The following UGT1A1 variants were observed in gnomAD, a reference collection of about 807,000 sequenced individuals.
UGT1A1 encodes UDP glucuronosyltransferase family 1 member A1, also known as UDP-glucuronosyltransferase 1A1.
UGT1A1 carries 33 observed loss-of-function variants against 40.6 expected under a neutral mutation model. The ratio of observed to expected loss-of-function variants is 0.81; its 90% CI spans 0.62 to 1.09. The LOEUF is 1.09. Among genes scored for constraint, UGT1A1 ranks in the 50% least tolerant of loss-of-function variants. The pLI is 0.00. For synonymous variants in UGT1A1, 249 were observed against 265.0 expected (o/e 0.94, Z 0.59); for missense variants, 694 against 671.2 (o/e 1.03, Z -0.38).
intron 4 of UGT1A1, chr2:233,770,023 G>A (rs1575848651): frequency 6.2e-6 from 1 of 160,986 alleles, no homozygotes; most frequent in Non-Finnish European, 1.4e-5. Flanking sequence ...TTCTTTCCCT[G>A]CACTGTTGAA....
intron 1 of UGT1A1, among the ~76,000 whole-genome samples, chr2:233,762,296 G>A (rs1425632739): frequency 6.6e-6 from 1 of 152,206 alleles, no homozygotes; most frequent in Non-Finnish European, 1.5e-5. Context: ...GGTGCCAACC[G>A]AGGTCTAGTT....
intron 4 of UGT1A1, 106 bp from the exon 5 acceptor site, chr2:233,772,156 C>G: frequency 6.4e-7 from 1 of 1,560,932 alleles, no homozygotes; most frequent in Non-Finnish European, 8.7e-7. Context: ...GTTTCCTTTC[C>G]CAAGTTTGGA....
In UGT1A1 at chr2:233,769,571, G is replaced by A. The variant is rs1223462167; in HGVS notation, c.1304+1132G>A. On this transcript the variant is annotated intron_variant, in intron 4 of 4. Coordinates refer to ENST00000305208, the MANE Select transcript of UGT1A1 (RefSeq NM_000463.3). This position sits in a 1 kb window ranked among gnomAD's most constrained non-coding sequence, Gnocchi z 4.4. ...AGGAAGACAGATGTGAAGAGCTGGAGCATGTTCAGATGAGAGGAGACGGAA... is the reference window on the plus strand; with the variant it reads ...AGGAAGACAGATGTGAAGAGCTGGAACATGTTCAGATGAGAGGAGACGGAA... 1 of 1,612,768 alleles carries A rather than the reference G, an allele frequency of 6.2e-7. No homozygotes were observed. The highest frequency in any genetic ancestry group is 1.3e-5 in the African/African-American group (1 of 74,922).
chr2:233,768,235 G>T lies in UGT1A1; in HGVS notation c.1100G>T (p.Arg367Leu), dbSNP rs374047963. 32 of 1,614,018 alleles carry T rather than the reference G, an allele frequency of 2.0e-5. No homozygotes were observed. Among genetic ancestry groups the T allele is most frequent in the African/African-American group, 1.3e-5 (1 of 74,898 alleles). Residue 367 changes from arginine (R) to leucine (L), a missense_variant, in exon 4 of 5, where the codon CGT becomes CTT. Physicochemically the swap from Arg to Leu is moderately radical, Grantham distance 102. Transcript: ENST00000305208. ...QNDLLGHPMT[R>L]AFITHAGSHG... is the part of the protein sequence containing the mutation. ...TGCATCTCAGGTCACCCGATGACCC[G>T]TGCCTTTATCACCCATGCTGGTTCC...
At chr2:233,765,957 T>C (rs1248795427) in intron 1 of UGT1A1, among the ~76,000 whole-genome samples, 3 of 151,920 alleles carry the variant, frequency 2.0e-5, no homozygotes, top group Non-Finnish European at 2.9e-5. Flanking sequence ...TCACCGGCAG[T>C]GTCTAGAGGT....
At chr2:233,761,212 G>T in intron 1 of UGT1A1, 61 bp downstream of exon 1, 1 of 1,613,674 alleles carries the variant, frequency 6.2e-7, no homozygotes, top group Non-Finnish European at 8.5e-7. Flanking sequence ...ACTTTGGATC[G>T]ATTAACTAGC....
Position 233,769,524 on chromosome 2 carries a change from C to T in UGT1A1, c.1304+1085C>T. On this transcript the variant is annotated intron_variant, in intron 4 of 4. Coordinates refer to ENST00000305208, the MANE Select transcript of UGT1A1 (RefSeq NM_000463.3). The surrounding 1 kb of genome is among the most constrained non-coding windows in gnomAD (Gnocchi z 4.4). ...CCATTGCTTTCTCCCATGGTTACCT[C>T]CTTTAGAAAGAAGCAGCAGTCAGGA... 1 of 1,612,860 alleles carries T rather than the reference C, an allele frequency of 6.2e-7. No homozygotes were observed.
chr2:233,770,117 C>T (rs1700019979), intron 4 of UGT1A1: 1 of 152,326 alleles, frequency 6.6e-6, no homozygotes, highest in Non-Finnish European at 1.5e-5. Context: ...CTAAGAACAA[C>T]TTGGTGAAAG....
chr2:233,770,092 A>G (rs969996398), intron 4 of UGT1A1: 1 of 152,744 alleles, frequency 6.5e-6, no homozygotes, highest in Non-Finnish European at 1.5e-5. Flanking sequence ...AGTGGTATAG[A>G]TAACTACTTG....
chr2:233,763,751 G>A (rs758447394), intron 1 of UGT1A1, among the ~76,000 whole-genome samples: 3 of 152,212 alleles, frequency 2.0e-5, no homozygotes, highest in Non-Finnish European at 4.4e-5. Flanking sequence ...TCTTTGGTGT[G>A]TCTGAAGGAA....
intron 1 of UGT1A1, among the ~76,000 whole-genome samples, chr2:233,764,973 G>C (rs553153469): frequency 6.6e-6 from 1 of 152,178 alleles, no homozygotes; most frequent in African/African-American, 2.4e-5. Context: ...GGAGAAGGAT[G>C]GTCAGTGTCT....
intron 2 of UGT1A1, 25 bp from the exon 3 acceptor site, chr2:233,767,822 ACG>A (rs756893991): frequency 6.2e-7 from 1 of 1,614,064 alleles, no homozygotes. Flanking sequence ...TTCTTTCTTT[ACG>A]TTCTGCTCTT....
At chr2:233,762,750 TA>T (rs777496065) in intron 1 of UGT1A1, among the ~76,000 whole-genome samples, 22 of 152,278 alleles carry the variant, frequency 1.4e-4, no homozygotes, top group East Asian at 1.9e-4. Flanking sequence ...GTGAATGTGT[TA>T]TTTTTTTGCA....
At chr2:233,767,761 G>A in intron 2 of UGT1A1, 88 bp from the exon 3 acceptor site, 6 of 1,606,158 alleles carry the variant, frequency 3.7e-6, no homozygotes, top group Non-Finnish European at 5.1e-6. Context: ...TCCTTCAGAG[G>A]ACCCCTGTTT....
intron 1 of UGT1A1, among the ~76,000 whole-genome samples, chr2:233,763,573 C>T (rs1559410117): frequency 1.3e-5 from 2 of 152,188 alleles, no homozygotes; most frequent in African/African-American, 4.8e-5. Flanking sequence ...TTCTTATTTT[C>T]TCTTTCTTCC....
At chr2:233,765,294 GAC>G (rs1698796099) in intron 1 of UGT1A1, among the ~76,000 whole-genome samples, 1 of 152,132 alleles carries the variant, frequency 6.6e-6, no homozygotes, top group Non-Finnish European at 1.5e-5. Flanking sequence ...CTACTATAAA[GAC>G]ACATGCACAT....
In UGT1A1 at chr2:233,769,368, G is replaced by T. The variant is rs1276563226; in HGVS notation, c.1304+929G>T. ...TGGGAAGAAGTGGTGGCCAGTGGTA[G>T]ATTTCATCCGACAATAGATACTGTG... On this transcript the variant is annotated intron_variant, in intron 4 of 4. Coordinates refer to ENST00000305208, the MANE Select transcript of UGT1A1 (RefSeq NM_000463.3). This position sits in a 1 kb window ranked among gnomAD's most constrained non-coding sequence, Gnocchi z 4.4. Among the ~76,000 whole-genome samples the T allele has an allele frequency of 6.6e-6, 1 of 152,222 alleles. No homozygotes were observed. The highest frequency in any genetic ancestry group is 1.5e-5 in the Non-Finnish European group (1 of 68,036).
Position 233,768,222 on chromosome 2 carries a change from C to G in UGT1A1, c.1087C>G (p.His363Asp). 1 of 1,614,186 alleles carries G rather than the reference C, an allele frequency of 6.2e-7. No homozygotes were observed. Among genetic ancestry groups the G allele is most frequent in the Non-Finnish European group, 8.5e-7 (1 of 1,180,046 alleles). The change falls in exon 4 of 5, where the codon CAC becomes GAC. Residue 363 changes from histidine to aspartate, a missense_variant and splice_region_variant. His to Asp is a moderately conservative substitution (Grantham distance 81, BLOSUM62 -1). Coordinates refer to ENST00000305208, the MANE Select transcript of UGT1A1 (RefSeq NM_000463.3). ...ATCCTCCCTATTTTGCATCTCAGGT[C>G]ACCCGATGACCCGTGCCTTTATCAC... ...KWLPQNDLLG[H>D]PMTRAFITHA... is the part of the protein sequence containing the mutation.
At chr2:233,772,160 G>A in intron 4 of UGT1A1, 102 bp from the exon 5 acceptor site, 1 of 1,565,444 alleles carries the variant, frequency 6.4e-7, no homozygotes, top group Non-Finnish European at 8.7e-7. Flanking sequence ...CCTTTCCCAA[G>A]TTTGGAAAAT....
Sources: allele counts gnomAD v4.1 joint callset (sites outside exome capture counted in the v4.1 genomes callset), GRCh38; gene constraint gnomAD v4.1.1; non-coding constraint Gnocchi (gnomAD v3.1); transcripts MANE v1.5; gene names NCBI Gene and HGNC (gene_info 2026-07-23, HGNC 2026-07-21).